Variants in TMEM171 observed in about 807,000 individuals in gnomAD.
TMEM171 encodes proline-rich protein PRP2.
Under a neutral mutation model 19.1 loss-of-function variants are expected in TMEM171, and 16 were observed. The observed-to-expected ratio is 0.84, with a 90% CI of 0.57 to 1.27. The LOEUF is 1.27. Among genes scored for constraint, TMEM171 ranks in the 50% most tolerant of loss-of-function variants. The pLI is 0.00. For missense variants in TMEM171, 429 were observed against 412.7 expected, an observed-to-expected ratio of 1.04 and a Z score of -0.34; for synonymous variants, 153 against 163.4, an observed-to-expected ratio of 0.94 and a Z score of 0.48.
intron 3 of TMEM171, among the ~76,000 whole-genome samples, chr5:73,130,751 C>T (rs940190129): frequency 7.2e-5 from 11 of 152,082 alleles, no homozygotes; most frequent in African/African-American, 1.9e-4. Flanking sequence ...CATGTGGGAA[C>T]GGCCCTGCAT....
Position 73,120,582 on chromosome 5 carries a change from G to T in TMEM171, c.-183G>T, listed in dbSNP as rs920870970. The T allele has an allele frequency of 5.1e-6, 5 of 985,438 alleles. No homozygotes were observed. The African/African-American group carries it at 7.0e-5, about 14-fold the overall frequency. The allele number at this position is 985,438 out of a possible 1,614,324, so 61.0% of individuals were successfully genotyped here. On this transcript the variant is annotated 5_prime_UTR_variant, in exon 1 of 4. Transcript: ENST00000454765. ...GGGTCCGCCCTCCGCACCAGGACGC[G>T]CGGTGGGTAGGGTGCAGGGCGGCCG...
chr5:73,122,116 T>C (rs1196940115), intron 1 of TMEM171, among the ~76,000 whole-genome samples: 1 of 152,208 alleles, frequency 6.6e-6, no homozygotes, highest in Non-Finnish European at 1.5e-5. Flanking sequence ...TCTCACTTGA[T>C]TCCACTTATA....
Position 73,120,596 on chromosome 5 carries a change from G to T in TMEM171, c.-169G>T. On this transcript the variant is annotated 5_prime_UTR_variant, in exon 1 of 4. Coordinates refer to ENST00000454765, the MANE Select transcript of TMEM171 (RefSeq NM_173490.8). ...CACCAGGACGCGCGGTGGGTAGGGT[G>T]CAGGGCGGCCGGCGCAGCCGAGGCC... The T allele has an allele frequency of 1.0e-6, 1 of 985,006 alleles. No homozygotes were observed. The highest frequency in any genetic ancestry group is 1.2e-6 in the Non-Finnish European group (1 of 829,874). 61.0% of individuals were successfully genotyped at this position (985,006 alleles called of 1,614,324 possible).
In TMEM171 at chr5:73,124,032, C is replaced by T. The variant is rs201735508; in HGVS notation, c.640+19C>T. The T allele has an allele frequency of 3.4e-4, 508 of 1,512,306 alleles. 2 individuals carry two copies. In the South Asian group the frequency reaches 6.3e-3, roughly 19 times the overall value. 93.7% of individuals were successfully genotyped at this position (1,512,306 alleles called of 1,614,324 possible). A position where few individuals can be genotyped will look rare whatever the true frequency, so the allele number is the denominator to read the frequency against. ...ACTGTAGGTGGGTTGCTGTTATTTG[C>T]GTTCTTGCTTCTATCACAGTGGCTT... On this transcript the variant is annotated intron_variant, in intron 2 of 3. Coordinates refer to ENST00000454765, the MANE Select transcript of TMEM171 (RefSeq NM_173490.8).
intron 1 of TMEM171, 82 bp downstream of exon 1, chr5:73,120,778 C>G: frequency 2.0e-6 from 2 of 979,960 alleles, no homozygotes; most frequent in Non-Finnish European, 2.4e-6. Flanking sequence ...GCGCGGGGAG[C>G]CGCGGCAGCG....
intron 3 of TMEM171, among the ~76,000 whole-genome samples, chr5:73,130,324 TC>T (rs916007471): frequency 1.2e-4 from 18 of 152,198 alleles, no homozygotes; most frequent in African/African-American, 4.1e-4. Context: ...TGGAGAAGGC[TC>T]TGGTGGTACC....
chr5:73,125,127 C>A (rs1744126174), intron 2 of TMEM171, among the ~76,000 whole-genome samples: 1 of 152,178 alleles, frequency 6.6e-6, no homozygotes, highest in Admixed American at 6.5e-5. Context: ...GCAGATGGAT[C>A]TGCAGCCATT....
Position 73,123,535 on chromosome 5 carries a change from C to A in TMEM171, c.162C>A (p.Asp54Glu), listed in dbSNP as rs199686697. ...FQACQYKPLP[D>E]CPMVLKVAGP... ...CATGCCAATATAAGCCCCTCCCAGA[C>A]TGCCCCATGGTGCTCAAGGTGGCGG... Residue 54 changes from aspartate to glutamate, a missense_variant, in exon 2 of 4, where the codon GAC (aspartate) becomes GAA (glutamate). Transcript: ENST00000454765. 1 of 1,614,256 alleles carries A rather than the reference C, an allele frequency of 6.2e-7. No individual in the cohort carries two copies.
intron 1 of TMEM171, 90 bp from the exon 2 acceptor site, chr5:73,123,216 T>G: frequency 8.6e-7 from 1 of 1,158,432 alleles, no homozygotes; most frequent in Non-Finnish European, 1.2e-6. Context: ...GGCCTCATTG[T>G]GGTGTGATTT....
chr5:73,131,734 A>G lies in TMEM171; in HGVS notation c.*4A>G, dbSNP rs1744367049. The G allele has an allele frequency of 2.5e-6, 4 of 1,599,334 alleles. No homozygotes were observed. Among genetic ancestry groups the G allele is most frequent in the Admixed American group, 1.8e-5 (1 of 56,926 alleles). ...TTCTGAGCCTTCCCCACCGTAAACT[A>G]TGGACTCTAGTTCAGTTTTATATGC... On this transcript the variant is annotated 3_prime_UTR_variant, in exon 4 of 4. Transcript: ENST00000454765.
chr5:73,126,689 G>C (rs1206987765), intron 2 of TMEM171, among the ~76,000 whole-genome samples: 2 of 152,166 alleles, frequency 1.3e-5, no homozygotes, highest in Non-Finnish European at 2.9e-5. Context: ...CAAGGAGGTC[G>C]CCTAGCTTGT....
rs927423592 is a variant in TMEM171, at chr5:73,123,199, C to A, written c.-68-107C>A. On this transcript the variant is annotated intron_variant, in intron 1 of 3. Coordinates refer to ENST00000454765, the MANE Select transcript of TMEM171 (RefSeq NM_173490.8). ...AGCTTATCAGTTGTATAAAGTTCTA[C>A]CCCCAAGGCCTCATTGTGGTGTGAT... 8 of 919,288 alleles carry A rather than the reference C, an allele frequency of 8.7e-6. No individual in the cohort carries two copies. The East Asian group carries it at 1.9e-4, about 22-fold the overall frequency. The allele number at this position is 919,288 out of a possible 1,614,324, so 56.9% of individuals were successfully genotyped here. A position where few individuals can be genotyped will look rare whatever the true frequency, so the allele number is the denominator to read the frequency against.
chr5:73,127,657 C>T (rs2112924428), intron 2 of TMEM171, among the ~76,000 whole-genome samples: 1 of 151,360 alleles, frequency 6.6e-6, no homozygotes, highest in Non-Finnish European at 1.5e-5. Context: ...GTTGGCCAGG[C>T]TGGTCTTGAA....
intron 3 of TMEM171, among the ~76,000 whole-genome samples, chr5:73,129,399 A>C (rs1744272464): frequency 6.6e-6 from 1 of 152,178 alleles, no homozygotes; most frequent in Non-Finnish European, 1.5e-5. Context: ...AAAAGCAACC[A>C]ATTAGAGGCA....
chr5:73,127,817 T>G (rs534596045), intron 2 of TMEM171, among the ~76,000 whole-genome samples: 2 of 151,896 alleles, frequency 1.3e-5, no homozygotes, highest in South Asian at 2.1e-4. Context: ...CATAGTTCAC[T>G]GCAGCCTAGA....
At chr5:73,128,562 G>A (rs1744248138) in intron 3 of TMEM171, 31 bp downstream of exon 3, 3 of 1,612,188 alleles carry the variant, frequency 1.9e-6, no homozygotes, top group Non-Finnish European at 2.5e-6. Flanking sequence ...TTCAAGAGAG[G>A]CCTGAATTCA....
chr5:73,128,151 G>C (rs929971408), intron 2 of TMEM171, among the ~76,000 whole-genome samples: 2 of 152,042 alleles, frequency 1.3e-5, no homozygotes, highest in Non-Finnish European at 2.9e-5. Context: ...CAGCAACTCT[G>C]TACTCACCAA....
chr5:73,122,094 T>C (rs909225449), intron 1 of TMEM171, among the ~76,000 whole-genome samples: 1 of 152,232 alleles, frequency 6.6e-6, no homozygotes, highest in Non-Finnish European at 1.5e-5. Flanking sequence ...GGTGATTTTC[T>C]GGAAGGTGCT....
In TMEM171 at chr5:73,131,637, A is replaced by G; in HGVS notation, c.882A>G (p.Pro294=). 2.5e-6 allele frequency: 4 copies of G among 1,614,022 alleles called. No individual in the cohort carries two copies. The highest frequency in any genetic ancestry group is 3.4e-6 in the Non-Finnish European group (4 of 1,179,988). The change falls in exon 4 of 4, where the codon CCA becomes CCG. Residue 294 remains proline (P), a synonymous_variant. Coordinates refer to ENST00000454765, the MANE Select transcript of TMEM171 (RefSeq NM_173490.8). ...CATCTTCTGAGGCCTCACACACTCC[A>G]CATCTTCCATCTGAATTGCCTCCTA... ...TNSSSEASHT[P]HLPSELPPRY...
Sources: gnomAD v4.1 joint callset for allele counts (sites outside exome capture counted in the v4.1 genomes callset) on GRCh38, gnomAD v4.1.1 for gene constraint, MANE v1.5 for transcripts, NCBI Gene and HGNC (gene_info 2026-07-23, HGNC 2026-07-21) for gene names.